The following OSBPL3 variants were observed in gnomAD, a reference collection of about 807,000 sequenced individuals.
OSBPL3 encodes the protein oxysterol-binding protein-related protein 3.
A neutral mutation model predicts 120.1 loss-of-function variants in OSBPL3; 65 were observed. The ratio of observed to expected loss-of-function variants is 0.54; its 90% confidence interval spans 0.44 to 0.67. The LOEUF is 0.67. Among genes scored for constraint, OSBPL3 ranks in the 30% least tolerant of loss-of-function variants. OSBPL3 has a pLI of 0.00. For missense variants in OSBPL3, 1,004 were observed against 1,082.1 expected (o/e 0.93, Z 1.01); for synonymous variants, 416 against 402.6 (o/e 1.03, Z -0.40).
chr7:24,863,511 A>G lies in OSBPL3; in HGVS notation c.762T>C (p.Ala254=). The G allele has an allele frequency of 6.2e-7, 1 of 1,613,442 alleles. No individual in the cohort carries two copies. The highest frequency in any genetic ancestry group is 2.2e-5 in the East Asian group (1 of 44,874). The change falls in exon 8 of 23, where the codon GCT becomes GCC. Residue 254 remains alanine, a synonymous_variant. Transcript: ENST00000313367. The surrounding 1 kb of genome is among the most constrained non-coding windows in gnomAD (Gnocchi z 5.8). ...DVLHRTYSAP[A]INAIQGGSFE... ...TCCGGCTCACCTGGATGGCGTTGAT[A>G]GCTGGTGCCGAGTATGTCCGATGCA...
At chr7:24,961,252 A>G (rs1017071863) in intron 1 of OSBPL3, among the ~76,000 whole-genome samples, 15 of 152,164 alleles carry the variant, frequency 9.9e-5, no homozygotes, top group Admixed American at 7.9e-4. Context: ...GCCAAAACCA[A>G]TCATAAACTG....
At position 24,936,821 on chromosome 7, in the gene OSBPL3, C is replaced by T. The variant is rs1046629105; in HGVS notation, c.-150+43065G>A. Among the ~76,000 whole-genome samples the T allele has an allele frequency of 2.6e-5, 4 of 152,184 alleles. No individual in the cohort carries two copies. Among genetic ancestry groups the T allele is most frequent in the African/African-American group, 9.7e-5 (4 of 41,438 alleles). On this transcript the variant is annotated intron_variant, in intron 1 of 22. Coordinates refer to ENST00000313367, the MANE Select transcript of OSBPL3 (RefSeq NM_015550.4). The surrounding 1 kb of genome is among the most constrained non-coding windows in gnomAD (Gnocchi z 4.2). ...AGTAGGAAACTCAAAGGCTTTTAAA[C>T]AGAGGACTAGACTGGTATCAGTATC...
Position 24,797,644 on chromosome 7 carries a change from C to G in OSBPL3, c.*2539G>C, listed in dbSNP as rs990514043. On this transcript the variant is annotated 3_prime_UTR_variant, in exon 23 of 23. Coordinates refer to ENST00000313367, the MANE Select transcript of OSBPL3 (RefSeq NM_015550.4). This position sits in a 1 kb window ranked among gnomAD's most constrained non-coding sequence, Gnocchi z 4.8. ...GGGTAGTCGACAGCTGTGACAGGAA[C>G]ATTACCTGAAGTGCAGGGTGGTTAC... 4 of 151,844 alleles carry G rather than the reference C, an allele frequency of 2.6e-5. No individual in the cohort carries two copies. Among genetic ancestry groups the G allele is most frequent in the Non-Finnish European group, 2.9e-5 (2 of 68,008 alleles). 9.4% of individuals were successfully genotyped at this position (151,844 alleles called of 1,614,324 possible).
chr7:24,949,423 A>C (rs1814120535), intron 1 of OSBPL3, among the ~76,000 whole-genome samples: 1 of 152,242 alleles, frequency 6.6e-6, no homozygotes, highest in East Asian at 1.9e-4. Flanking sequence ...TTAGTGGTAC[A>C]TAAATTAATG....
chr7:24,863,836 T>C lies in OSBPL3; in HGVS notation c.674-237A>G, dbSNP rs751884793. Among the ~76,000 whole-genome samples the C allele has an allele frequency of 2.6e-5, 4 of 152,200 alleles. No individual in the cohort carries two copies. The highest frequency in any genetic ancestry group is 5.9e-5 in the Non-Finnish European group (4 of 68,032). On this transcript the variant is annotated intron_variant, in intron 7 of 22. Coordinates refer to ENST00000313367, the MANE Select transcript of OSBPL3 (RefSeq NM_015550.4). This position sits in a 1 kb window ranked among gnomAD's most constrained non-coding sequence, Gnocchi z 5.8. The stretch of plus-strand genomic sequence containing the variant: ...GAATCCACTTAATGAACTGTAACTA[T>C]TGAGAAAATTGCAAAACTGCATGCC...
chr7:24,902,629 C>T (rs115364482), intron 1 of OSBPL3, among the ~76,000 whole-genome samples: 15,254 of 151,590 alleles, frequency 0.1, 877 homozygotes, highest in East Asian at 0.27. Context: ...CTATTCAAAA[C>T]GGCCACACCA....
chr7:24,901,613 T>C (rs1807050237), intron 1 of OSBPL3, among the ~76,000 whole-genome samples: 1 of 152,188 alleles, frequency 6.6e-6, no homozygotes, highest in Non-Finnish European at 1.5e-5. Context: ...TGAAACTACG[T>C]GACACACTTT....
rs925701825 is a variant in OSBPL3, at chr7:24,938,541, A to G, written c.-150+41345T>C. ...CAGCTTCAATTTTCAAGGTCTCCTT[A>G]GGGACCAAGATGGCTTCTGAAACTC... On this transcript the variant is annotated intron_variant, in intron 1 of 22. Transcript: ENST00000313367. The surrounding 1 kb of genome is among the most constrained non-coding windows in gnomAD (Gnocchi z 5.8). Among the ~76,000 whole-genome samples the G allele has an allele frequency of 2.6e-5, 4 of 152,220 alleles. No homozygotes were observed. Among genetic ancestry groups the G allele is most frequent in the African/African-American group, 7.2e-5 (3 of 41,468 alleles).
intron 2 of OSBPL3, among the ~76,000 whole-genome samples, chr7:24,882,084 A>T (rs192209398): frequency 9.9e-4 from 151 of 152,328 alleles, no homozygotes; most frequent in African/African-American, 3.5e-3. Flanking sequence ...CACAGCTTCC[A>T]GCATTAGGAT....
At chr7:24,897,220 C>T (rs1213412660) in intron 1 of OSBPL3, among the ~76,000 whole-genome samples, 1 of 152,072 alleles carries the variant, frequency 6.6e-6, no homozygotes, top group Non-Finnish European at 1.5e-5. Flanking sequence ...TGTAAAGGCT[C>T]ATGGCCTCCT....
In OSBPL3 at chr7:24,854,021, C is replaced by T. The variant is rs1799502673; in HGVS notation, c.1028-1387G>A. ...TACAATGAGGGCTTAGCCACTATGG[C>T]CTCCAATGCCTGAACTGAAGTTTTA... is the stretch of plus-strand genomic sequence containing the variant. On this transcript the variant is annotated intron_variant, in intron 10 of 22. Transcript: ENST00000313367. The surrounding 1 kb of genome is among the most constrained non-coding windows in gnomAD (Gnocchi z 4.1). Among the ~76,000 whole-genome samples the T allele has an allele frequency of 1.3e-5, 2 of 152,144 alleles. No individual in the cohort carries two copies. The highest frequency in any genetic ancestry group is 4.1e-4 in the South Asian group (2 of 4,828).
At chr7:24,874,022 C>A (rs1000566869) in intron 2 of OSBPL3, among the ~76,000 whole-genome samples, 1 of 152,150 alleles carries the variant, frequency 6.6e-6, no homozygotes, top group Non-Finnish European at 1.5e-5. Context: ...ATAAAGGGTC[C>A]GGAGTATTTC....
chr7:24,802,130 T>G lies in OSBPL3; in HGVS notation c.2568-1851A>C, dbSNP rs1194423121. Among the ~76,000 whole-genome samples the G allele has an allele frequency of 1.3e-5, 2 of 152,252 alleles. No homozygotes were observed. Among genetic ancestry groups the G allele is most frequent in the Non-Finnish European group, 2.9e-5 (2 of 68,034 alleles). The stretch of plus-strand genomic sequence containing the variant: ...GGAATGTAGATTTTTATCACACTTG[T>G]TTCCCTATTCCAGTAACACTATATG... On this transcript the variant is annotated intron_variant, in intron 22 of 22. Transcript: ENST00000313367. The surrounding 1 kb of genome is among the most constrained non-coding windows in gnomAD (Gnocchi z 4.1).
intron 1 of OSBPL3, among the ~76,000 whole-genome samples, chr7:24,977,640 A>G (rs1191052336): frequency 6.6e-6 from 1 of 152,178 alleles, no homozygotes; most frequent in Non-Finnish European, 1.5e-5. Flanking sequence ...GCAGATCACA[A>G]GGTCAGGAGA....
At chr7:24,978,216 A>G (rs905474405) in intron 1 of OSBPL3, among the ~76,000 whole-genome samples, 1 of 152,244 alleles carries the variant, frequency 6.6e-6, no homozygotes, top group Non-Finnish European at 1.5e-5. Context: ...AAAAGTTCCT[A>G]GTATTGCTAT....
At chr7:24,929,912 T>C (rs1490038800) in intron 1 of OSBPL3, among the ~76,000 whole-genome samples, 1 of 152,182 alleles carries the variant, frequency 6.6e-6, no homozygotes. Flanking sequence ...TTATACAATA[T>C]CTCTTTACTA....
Position 24,918,423 on chromosome 7 carries a change from A to G in OSBPL3, c.-149-25802T>C, listed in dbSNP as rs120. Among the ~76,000 whole-genome samples, 98,230 of 152,086 alleles carry G rather than the reference A, an allele frequency of 0.65. 32,987 individuals carry two copies. The highest frequency in any genetic ancestry group is 0.91 in the East Asian group (4,697 of 5,176). On this transcript the variant is annotated intron_variant, in intron 1 of 22. Coordinates refer to ENST00000313367, the MANE Select transcript of OSBPL3 (RefSeq NM_015550.4). This position sits in a 1 kb window ranked among gnomAD's most constrained non-coding sequence, Gnocchi z 4.3. ...TACCCCAGAGAGAAAACATCTAGAT[A>G]GAAGTATGTATTTGGAAGAAAGAAG...
At chr7:24,861,505 A>G (rs1800529279) in intron 10 of OSBPL3, 108 bp downstream of exon 10, 1 of 665,666 alleles carries the variant, frequency 1.5e-6, no homozygotes, top group South Asian at 2.9e-5. Flanking sequence ...AAATCTTAAT[A>G]GAGCAGAAAA....
At chr7:24,839,666 A>G (rs1174853696) in intron 14 of OSBPL3, among the ~76,000 whole-genome samples, 2 of 152,134 alleles carry the variant, frequency 1.3e-5, no homozygotes, top group African/African-American at 4.8e-5. Flanking sequence ...ATATTCTAAC[A>G]TGTCCTGAGA....
Sources: gnomAD v4.1 joint callset for allele counts (sites outside exome capture counted in the v4.1 genomes callset) on GRCh38, gnomAD v4.1.1 for gene constraint, Gnocchi (gnomAD v3.1) non-coding constraint, MANE v1.5 for transcripts, NCBI Gene and HGNC (gene_info 2026-07-23, HGNC 2026-07-21) for gene names.